The following COL19A1 variants were observed in gnomAD, a reference collection of about 807,000 sequenced individuals.
The protein encoded by COL19A1 is collagen alpha-1(XIX) chain.
COL19A1 carries 159 observed loss-of-function variants against 190.2 expected under a neutral mutation model. The observed-to-expected ratio is 0.84, with a 90% CI of 0.73 to 0.95. The LOEUF is 0.95. Ranked by LOEUF, COL19A1 falls within the 40% of genes least tolerant of loss-of-function variation. The probability of loss-of-function intolerance (pLI) is 0.00; values close to 1 mark genes in which losing one functional copy is unlikely to be tolerated. For synonymous variants in COL19A1, 509 were observed against 458.9 expected (o/e 1.11, Z -1.39); for missense variants, 1,418 against 1,431.9 (o/e 0.99, Z 0.16).
chr6:70,182,140 A>G (rs1168496436), intron 44 of COL19A1, among the ~76,000 whole-genome samples: 2 of 152,214 alleles, frequency 1.3e-5, no homozygotes, highest in Admixed American at 6.5e-5. Flanking sequence ...ACAGTAAGAA[A>G]ACATCACCAT....
Position 69,893,616 on chromosome 6 carries a change from A to G in COL19A1, c.92-5332A>G, listed in dbSNP as rs1489798203. ...TGGCATAACAAGGAAGAAAATTACA[A>G]TGTTTTACCCCAAAGTATATTTCCT... On this transcript the variant is annotated intron_variant, in intron 2 of 50. Transcript: ENST00000620364. Among the ~76,000 whole-genome samples the G allele has an allele frequency of 4.6e-5, 7 of 152,284 alleles. No homozygotes were observed. The East Asian group carries it at 1.2e-3, about 25-fold the overall frequency.
At chr6:70,164,902 A>G (rs925898546) in intron 36 of COL19A1, among the ~76,000 whole-genome samples, 1 of 152,210 alleles carries the variant, frequency 6.6e-6, no homozygotes, top group African/African-American at 2.4e-5. Context: ...AAAACTTTAC[A>G]GTTTATTTTT....
chr6:70,065,693 T>G (rs1260164430), intron 14 of COL19A1, among the ~76,000 whole-genome samples: 1 of 152,092 alleles, frequency 6.6e-6, no homozygotes, highest in African/African-American at 2.4e-5. Flanking sequence ...GGGAGAAAAT[T>G]TTTGCAGTCT....
chr6:69,882,844 C>T lies in COL19A1; in HGVS notation c.91+3186C>T, dbSNP rs142920367. On this transcript the variant is annotated intron_variant, in intron 2 of 50. Transcript: ENST00000620364. ...CTTTTACTAGTTGGCAAACACTTCA[C>T]GCTTAAACTCAGAGTAAAATGTATG... 1.9e-4 allele frequency among the ~76,000 whole-genome samples: 29 copies of T among 152,288 alleles called. No homozygotes were observed. The East Asian group carries it at 4.6e-3, about 24-fold the overall frequency.
intron 10 of COL19A1, among the ~76,000 whole-genome samples, chr6:69,962,494 A>G (rs1056077075): frequency 1.1e-4 from 17 of 152,334 alleles, no homozygotes; most frequent in East Asian, 1.9e-4. Flanking sequence ...AGTCTTTGCC[A>G]TGAACTATGA....
intron 44 of COL19A1, among the ~76,000 whole-genome samples, chr6:70,181,412 C>A (rs778650657): frequency 4.6e-5 from 7 of 152,058 alleles, no homozygotes; most frequent in Non-Finnish European, 1.5e-5. Flanking sequence ...GAAAGCATTT[C>A]CAGTGCCTGG....
rs537785924 is a variant in COL19A1 at position 70,159,431 on chromosome 6, C to A, written c.2293-2469C>A. 3.3e-5 allele frequency among the ~76,000 whole-genome samples: 5 copies of A among 152,094 alleles called. No individual in the cohort carries two copies. The East Asian group carries it at 9.6e-4, about 29-fold the overall frequency. On this transcript the variant is annotated intron_variant, in intron 34 of 50. Transcript: ENST00000620364. ...GTATACACACATACACATACACACA[C>A]ACACACACACAGCACTGCCAATGAG...
intron 9 of COL19A1, among the ~76,000 whole-genome samples, chr6:69,944,019 C>G (rs2150027749): frequency 6.6e-6 from 1 of 152,056 alleles, no homozygotes; most frequent in East Asian, 1.9e-4. Context: ...CTACCTGACT[C>G]CTCAATCCCA....
chr6:69,989,553 C>CTTTTTTTTTTTTTTT (rs3072698), intron 11 of COL19A1, among the ~76,000 whole-genome samples: 4 of 126,354 alleles, frequency 3.2e-5, no homozygotes, highest in Middle Eastern at 3.9e-3. Flanking sequence ...GAGTTTTTTA[C>CTTTTTTTTTTTTTTT]TTTTTTTTTT....
chr6:69,983,966 A>G (rs904515171), intron 11 of COL19A1, among the ~76,000 whole-genome samples: 2 of 152,098 alleles, frequency 1.3e-5, no homozygotes, highest in African/African-American at 4.8e-5. Context: ...GGATCATAAA[A>G]TGAGTTGAAT....
chr6:70,184,946 A>G (rs899596378), intron 46 of COL19A1, 31 bp downstream of exon 46: 2 of 1,596,798 alleles, frequency 1.3e-6, no homozygotes, highest in Non-Finnish European at 1.7e-6. Context: ...ATTGTTATTC[A>G]AGTCTGTCTG....
chr6:69,981,024 G>T (rs1334482543), intron 11 of COL19A1, among the ~76,000 whole-genome samples: 1 of 152,134 alleles, frequency 6.6e-6, no homozygotes, highest in African/African-American at 2.4e-5. Flanking sequence ...TATATTACAT[G>T]CATGTGATGG....
intron 48 of COL19A1, among the ~76,000 whole-genome samples, chr6:70,190,593 G>C (rs1766804858): frequency 6.6e-6 from 1 of 152,010 alleles, no homozygotes; most frequent in East Asian, 1.9e-4. Context: ...CATTATACCT[G>C]GTCTGTAAAA....
At chr6:70,048,837 C>G (rs1780040408) in intron 14 of COL19A1, among the ~76,000 whole-genome samples, 1 of 151,956 alleles carries the variant, frequency 6.6e-6, no homozygotes, top group Non-Finnish European at 1.5e-5. Flanking sequence ...TTGAATTAAA[C>G]TAATTTTAAT....
intron 17 of COL19A1, among the ~76,000 whole-genome samples, chr6:70,125,216 A>G (rs1181262149): frequency 6.6e-6 from 1 of 152,196 alleles, no homozygotes; most frequent in Admixed American, 6.5e-5. Flanking sequence ...AGACATAGCA[A>G]GTGACACTCC....
chr6:70,162,068 A>G, intron 35 of COL19A1, 115 bp downstream of exon 35: 1 of 907,752 alleles, frequency 1.1e-6, no homozygotes, highest in Non-Finnish European at 1.6e-6. Context: ...GATTGTCCAG[A>G]TATTGCCTGG....
chr6:70,025,093 T>A (rs542973692), intron 12 of COL19A1, among the ~76,000 whole-genome samples: 1 of 151,278 alleles, frequency 6.6e-6, no homozygotes, highest in East Asian at 2.0e-4. Context: ...GGCAGTGGCA[T>A]GATCTCGGCT....
At chr6:69,932,756 T>C in intron 6 of COL19A1, 27 bp from the exon 7 acceptor site, 1 of 1,400,104 alleles carries the variant, frequency 7.1e-7, no homozygotes, top group African/African-American at 1.4e-5. Flanking sequence ...AAACTAAAGA[T>C]GTTTCTTATT....
At chr6:70,048,960 G>A (rs1780049405) in intron 14 of COL19A1, among the ~76,000 whole-genome samples, 2 of 151,900 alleles carry the variant, frequency 1.3e-5, no homozygotes, top group African/African-American at 4.8e-5. Context: ...TATGCCCAAA[G>A]AGCGTAATTC....
Sources: gnomAD v4.1 joint callset for allele counts (sites outside exome capture counted in the v4.1 genomes callset) on GRCh38, gnomAD v4.1.1 for gene constraint, MANE v1.5 for transcripts, NCBI Gene and HGNC (gene_info 2026-07-23, HGNC 2026-07-21) for gene names.